ADAM2: variants seen among roughly 807,000 people sequenced by gnomAD.
The protein encoded by ADAM2 is ADAM metallopeptidase domain 2.
In ADAM2, 101 loss-of-function variants were observed where a neutral mutation model predicts 99.3. The ratio of observed to expected loss-of-function variants is 1.02; its 90% CI spans 0.87 to 1.20. The LOEUF (loss-of-function observed/expected upper bound fraction) is 1.20. Among genes scored for constraint, ADAM2 ranks in the 50% most tolerant of loss-of-function variants. ADAM2 has a pLI of 0.00. For synonymous variants in ADAM2, 323 were observed against 287.6 expected (o/e 1.12, Z -1.25); for missense variants, 948 against 878.7 (o/e 1.08, Z -1.00).
chr8:39,823,419 A>T (rs547803401), intron 4 of ADAM2, among the ~76,000 whole-genome samples: 1 of 152,294 alleles, frequency 6.6e-6, no homozygotes. Context: ...ACCTTGGCAA[A>T]CACAATTTAT....
At chr8:39,787,393 G>C (rs1803509043) in intron 9 of ADAM2, among the ~76,000 whole-genome samples, 1 of 151,370 alleles carries the variant, frequency 6.6e-6, no homozygotes, top group Non-Finnish European at 1.5e-5. Flanking sequence ...ACTTGTTAAT[G>C]AGCAGAATCA....
At chr8:39,777,224 C>T in intron 10 of ADAM2, 63 bp from the exon 11 acceptor site, 1 of 1,333,972 alleles carries the variant, frequency 7.5e-7, no homozygotes, top group Non-Finnish European at 1.0e-6. Flanking sequence ...GAGAACAATG[C>T]AATTATTAAA....
rs201806361 is a variant in ADAM2 at position 39,834,009 on chromosome 8, G to T, written c.133-10C>A. 9.1e-6 allele frequency: 14 copies of T among 1,531,758 alleles called. No homozygotes were observed. In the East Asian group the frequency reaches 2.7e-4, roughly 30 times the overall value. 94.9% of individuals were successfully genotyped at this position (1,531,758 alleles called of 1,614,324 possible). On this transcript the variant is annotated splice_polypyrimidine_tract_variant and intron_variant, in intron 2 of 20. Transcript: ENST00000265708. Reference sequence around the variant, plus strand: ...CAATTTTGTAGGATGCCTGGCAGGAGAGCACAGTAAAAATACAAAGAAAAT... The same window carrying T: ...CAATTTTGTAGGATGCCTGGCAGGATAGCACAGTAAAAATACAAAGAAAAT...
At chr8:39,771,840 A>G (rs150002655) in intron 11 of ADAM2, among the ~76,000 whole-genome samples, 1 of 152,064 alleles carries the variant, frequency 6.6e-6, no homozygotes, top group Non-Finnish European at 1.5e-5. Flanking sequence ...ATTTAATATT[A>G]CTGAGAACCA....
intron 7 of ADAM2, among the ~76,000 whole-genome samples, chr8:39,793,838 C>T (rs960623990): frequency 6.6e-6 from 1 of 152,070 alleles, no homozygotes; most frequent in African/African-American, 2.4e-5. Flanking sequence ...CACATTTCCT[C>T]AGACTAAGGA....
intron 6 of ADAM2, among the ~76,000 whole-genome samples, chr8:39,814,257 G>T (rs1308305242): frequency 6.6e-6 from 1 of 152,034 alleles, no homozygotes; most frequent in Non-Finnish European, 1.5e-5. Context: ...TAGTCAGGAG[G>T]CTGAGGCAGG....
chr8:39,809,538 T>C, intron 6 of ADAM2, 72 bp from the exon 7 acceptor site: 1 of 692,136 alleles, frequency 1.4e-6, no homozygotes, highest in South Asian at 1.8e-5. Context: ...GTCACTACTA[T>C]TAATGAACTA....
chr8:39,814,876 CA>C (rs1804874832), intron 6 of ADAM2, among the ~76,000 whole-genome samples: 3 of 150,736 alleles, frequency 2.0e-5, no homozygotes, highest in Non-Finnish European at 4.4e-5. Context: ...GTGATGATAA[CA>C]AGCTCAAACA....
chr8:39,825,116 C>T (rs1805347503), intron 3 of ADAM2, among the ~76,000 whole-genome samples: 1 of 152,188 alleles, frequency 6.6e-6, no homozygotes, highest in South Asian at 2.1e-4. Context: ...CCAAACACAA[C>T]AGGCAAGCTT....
chr8:39,778,112 C>T (rs1214301374), intron 10 of ADAM2, among the ~76,000 whole-genome samples: 2 of 150,104 alleles, frequency 1.3e-5, no homozygotes, highest in Admixed American at 6.7e-5. Flanking sequence ...GAGTAAGATG[C>T]TTATTATAGC....
At position 39,769,583 on chromosome 8, in the gene ADAM2, C is replaced by A; in HGVS notation, c.1029-8G>T. ...TTCACACCACTGAAATGACTAAAGA[C>A]ACATCAAACGTCAAATTTTAATGTA... On this transcript the variant is annotated splice_polypyrimidine_tract_variant and splice_region_variant and intron_variant, in intron 11 of 20. Transcript: ENST00000265708. 1 of 1,602,092 alleles carries A rather than the reference C, an allele frequency of 6.2e-7. No individual in the cohort carries two copies. The highest frequency in any genetic ancestry group is 8.5e-7 in the Non-Finnish European group (1 of 1,170,484).
At chr8:39,824,488 T>G (rs1363106399) in intron 4 of ADAM2, among the ~76,000 whole-genome samples, 4 of 152,178 alleles carry the variant, frequency 2.6e-5, no homozygotes, top group Non-Finnish European at 5.9e-5. Flanking sequence ...GATTAGATTC[T>G]TATTTTCTCC....
At chr8:39,785,586 A>G (rs1046538982) in intron 10 of ADAM2, among the ~76,000 whole-genome samples, 16 of 152,210 alleles carry the variant, frequency 1.1e-4, no homozygotes, top group Admixed American at 1.0e-3. Flanking sequence ...ACATGAGGTC[A>G]GGAGTTCAAG....
At chr8:39,758,667 T>C (rs1802242430) in intron 15 of ADAM2, among the ~76,000 whole-genome samples, 1 of 152,022 alleles carries the variant, frequency 6.6e-6, no homozygotes, top group African/African-American at 2.4e-5. Flanking sequence ...CAAGGCTCCT[T>C]GGATGAATAG....
At chr8:39,752,828 C>T (rs1295545738) in intron 16 of ADAM2, among the ~76,000 whole-genome samples, 2 of 152,162 alleles carry the variant, frequency 1.3e-5, no homozygotes, top group African/African-American at 2.4e-5. Context: ...TTGCCTGCCT[C>T]CACGTAAGAC....
At chr8:39,787,672 G>A (rs892229847) in intron 9 of ADAM2, among the ~76,000 whole-genome samples, 1 of 151,408 alleles carries the variant, frequency 6.6e-6, no homozygotes, top group African/African-American at 2.4e-5. Flanking sequence ...GCACAATGCA[G>A]ATATATTAGA....
At chr8:39,828,306 G>A (rs563970646) in intron 3 of ADAM2, among the ~76,000 whole-genome samples, 4 of 151,898 alleles carry the variant, frequency 2.6e-5, no homozygotes, top group African/African-American at 9.6e-5. Context: ...AGAGGGTAAA[G>A]GGTGTTAGAG....
At chr8:39,825,715 C>T (rs976480322) in intron 3 of ADAM2, among the ~76,000 whole-genome samples, 1 of 151,812 alleles carries the variant, frequency 6.6e-6, no homozygotes, top group Non-Finnish European at 1.5e-5. Context: ...ACGAATAATT[C>T]TTAATAAACC....
chr8:39,809,010 C>G (rs1804578647), intron 7 of ADAM2, among the ~76,000 whole-genome samples: 1 of 152,134 alleles, frequency 6.6e-6, no homozygotes, highest in Non-Finnish European at 1.5e-5. Flanking sequence ...TACTTAATCA[C>G]CACCTTTCAT....
Sources: gnomAD v4.1 joint callset for allele counts (sites outside exome capture counted in the v4.1 genomes callset) on GRCh38, gnomAD v4.1.1 for gene constraint, MANE v1.5 for transcripts, NCBI Gene and HGNC (gene_info 2026-07-23, HGNC 2026-07-21) for gene names.